The following RAC2 variants were observed in gnomAD, a reference collection of about 807,000 sequenced individuals.
The protein encoded by RAC2 is ras-related C3 botulinum toxin substrate 2.
In RAC2, 1 loss-of-function variant was observed where a neutral mutation model predicts 24.0. The ratio of observed to expected loss-of-function variants is 0.04; its 90% CI spans 0.01 to 0.20. RAC2 has a LOEUF of 0.20. RAC2 is among the 10% of genes least tolerant of loss of function. The probability of loss-of-function intolerance (pLI) is 1.00; values close to 1 mark genes in which losing one functional copy is unlikely to be tolerated. For missense variants in RAC2, 130 were observed against 259.1 expected, an observed-to-expected ratio of 0.50 and a Z score of 3.42; for synonymous variants, 114 against 106.8, an observed-to-expected ratio of 1.07 and a Z score of -0.41.
chr22:37,229,296 G>T (rs1926984106), intron 5 of RAC2, among the ~76,000 whole-genome samples: 1 of 152,174 alleles, frequency 6.6e-6, no homozygotes, highest in East Asian at 1.9e-4. Context: ...CAAGGAGGGT[G>T]AGGGGGCGGT....
At chr22:37,242,156 C>A (rs188082914) in intron 1 of RAC2, among the ~76,000 whole-genome samples, 1 of 152,300 alleles carries the variant, frequency 6.6e-6, no homozygotes, top group East Asian at 1.9e-4. Flanking sequence ...TCCAACGAGG[C>A]CTATCAAAGC....
chr22:37,241,104 C>T (rs1410093558), intron 2 of RAC2: 1 of 775,414 alleles, frequency 1.3e-6, no homozygotes, highest in Middle Eastern at 2.3e-4. Flanking sequence ...CCAACACGCT[C>T]CCTCCACGTC....
At position 37,232,004 on chromosome 22, in the gene RAC2, G is replaced by C; in HGVS notation, c.226-10C>G. 1 of 1,521,870 alleles carries C rather than the reference G, an allele frequency of 6.6e-7. No homozygotes were observed. Among genetic ancestry groups the C allele is most frequent in the Non-Finnish European group, 8.8e-7 (1 of 1,136,846 alleles). The allele number at this position is 1,521,870 out of a possible 1,614,324, so 94.3% of individuals were successfully genotyped here. A position where few individuals can be genotyped will look rare whatever the true frequency, so the allele number is the denominator to read the frequency against. On this transcript the variant is annotated splice_polypyrimidine_tract_variant and intron_variant, in intron 3 of 6. Transcript: ENST00000249071. ...AGATGAGGAAGACGTCCTGGGGACAGAGCAAGCGAGGTTGCTAGTGAGGAG... is the reference window on the plus strand; with the variant it reads ...AGATGAGGAAGACGTCCTGGGGACACAGCAAGCGAGGTTGCTAGTGAGGAG...
At chr22:37,241,523 G>C (rs1927390561) in intron 2 of RAC2, 64 bp downstream of exon 2, 1 of 1,517,706 alleles carries the variant, frequency 6.6e-7, no homozygotes, top group South Asian at 1.1e-5. Context: ...TGCCTGAAAG[G>C]GGGGTCGACT....
chr22:37,238,468 G>A (rs1927300642), intron 2 of RAC2, among the ~76,000 whole-genome samples: 2 of 152,080 alleles, frequency 1.3e-5, no homozygotes, highest in South Asian at 4.1e-4. Context: ...TCGAACTCAT[G>A]GGCTCAAGCG....
intron 2 of RAC2, among the ~76,000 whole-genome samples, chr22:37,234,653 G>A (rs1927171050): frequency 6.6e-6 from 1 of 152,102 alleles, no homozygotes; most frequent in Non-Finnish European, 1.5e-5. Context: ...CCCGGGAAAG[G>A]CTCACACTGC....
intron 2 of RAC2, chr22:37,241,150 C>A (rs569588310): frequency 2.6e-6 from 2 of 778,720 alleles, no homozygotes; most frequent in Non-Finnish European, 4.8e-6. Flanking sequence ...TGCAATAGAG[C>A]GCAGGGCCTC....
rs1268302473 is a variant in RAC2 at position 37,232,923 on chromosome 22, G to A, written c.108-5C>T. The A allele has an allele frequency of 4.4e-6, 7 of 1,608,620 alleles. No individual in the cohort carries two copies. The highest frequency in any genetic ancestry group is 6.0e-6 in the Non-Finnish European group (7 of 1,175,290). On this transcript the variant is annotated splice_region_variant and splice_polypyrimidine_tract_variant and intron_variant, in intron 2 of 6. Transcript: ENST00000249071. Reference sequence around the variant, plus strand: ...TTGGCTGAATAGTTGTCAAACCTGTGGGGAGCAGGCAAGGCGGAGGTAAGG... The same window carrying A: ...TTGGCTGAATAGTTGTCAAACCTGTAGGGAGCAGGCAAGGCGGAGGTAAGG...
chr22:37,234,363 T>C (rs1162316235), intron 2 of RAC2, among the ~76,000 whole-genome samples: 1 of 152,142 alleles, frequency 6.6e-6, no homozygotes, highest in East Asian at 1.9e-4. Context: ...AAGGGAAAAC[T>C]TGGCTCAGAG....
At chr22:37,233,576 C>T (rs549048441) in intron 2 of RAC2, among the ~76,000 whole-genome samples, 1 of 152,350 alleles carries the variant, frequency 6.6e-6, no homozygotes, top group South Asian at 2.1e-4. Context: ...AGCCACTGCG[C>T]CCAGCCGCAA....
rs968104147 is a variant in RAC2 at position 37,241,155 on chromosome 22, G to A, written c.107+432C>T. On this transcript the variant is annotated intron_variant, in intron 2 of 6. Coordinates refer to ENST00000249071, the MANE Select transcript of RAC2 (RefSeq NM_002872.5). ...CTCCGCATCCTGCAATAGAGCGCAG[G>A]GCCTCCCAGGCCTGCAGACAGCTCT... 3 of 778,534 alleles carry A rather than the reference G, an allele frequency of 3.9e-6. No individual in the cohort carries two copies. The African/African-American group carries it at 5.1e-5, about 13-fold the overall frequency. The allele number at this position is 778,534 out of a possible 1,614,324, so 48.2% of individuals were successfully genotyped here.
chr22:37,239,947 TG>T (rs1221586958), intron 2 of RAC2, among the ~76,000 whole-genome samples: 1 of 152,170 alleles, frequency 6.6e-6, no homozygotes, highest in Non-Finnish European at 1.5e-5. Flanking sequence ...GTTCCCATTT[TG>T]TATATAAGGA....
chr22:37,241,471 T>C, intron 2 of RAC2, 116 bp downstream of exon 2: 1 of 1,120,312 alleles, frequency 8.9e-7, no homozygotes, highest in East Asian at 2.4e-5. Flanking sequence ...TCCACTGGGC[T>C]GGAGGCTGTG....
chr22:37,232,643 C>A, intron 3 of RAC2, 158 bp downstream of exon 3: 1 of 671,640 alleles, frequency 1.5e-6, no homozygotes, highest in South Asian at 1.6e-5. Flanking sequence ...AGAGGAAGCC[C>A]TTCTCTGCCT....
At chr22:37,243,335 C>A (rs1478628911) in intron 1 of RAC2, among the ~76,000 whole-genome samples, 1 of 152,092 alleles carries the variant, frequency 6.6e-6, no homozygotes, top group Admixed American at 6.6e-5. Flanking sequence ...AAACTGAGGC[C>A]CCCAGGGGAC....
chr22:37,237,709 C>T (rs547205195), intron 2 of RAC2, among the ~76,000 whole-genome samples: 2 of 152,242 alleles, frequency 1.3e-5, no homozygotes, highest in Admixed American at 1.3e-4. Context: ...CCCTGCCTTC[C>T]TCCCCGGGGT....
intron 6 of RAC2, 118 bp downstream of exon 6, chr22:37,226,553 C>G: frequency 7.3e-7 from 1 of 1,376,516 alleles, no homozygotes; most frequent in Non-Finnish European, 9.9e-7. Flanking sequence ...CTGAGGCAAC[C>G]TCCATACCCA....
chr22:37,243,176 T>G (rs547288592), intron 1 of RAC2, among the ~76,000 whole-genome samples: 2 of 152,280 alleles, frequency 1.3e-5, no homozygotes, highest in Admixed American at 6.5e-5. Flanking sequence ...TAAAAAAATT[T>G]TTTTATAGAC....
chr22:37,228,847 C>A (rs1028102395), intron 5 of RAC2, among the ~76,000 whole-genome samples: 1 of 152,182 alleles, frequency 6.6e-6, no homozygotes, highest in Admixed American at 6.5e-5. Flanking sequence ...GGATGTCACT[C>A]GCTCTGAGTC....
Sources: gnomAD v4.1 joint callset for allele counts (sites outside exome capture counted in the v4.1 genomes callset) on GRCh38, gnomAD v4.1.1 for gene constraint, MANE v1.5 for transcripts, NCBI Gene and HGNC (gene_info 2026-07-23, HGNC 2026-07-21) for gene names.